Variants in ABTB3 observed in about 807,000 individuals in gnomAD.
The protein encoded by ABTB3 is ankyrin repeat- and BTB/POZ domain-containing protein 3.
At chr12:107,470,970 C>T in the ABTB3 span, among the ~76,000 whole-genome samples, 2 of 152,202 alleles carry the variant, frequency 1.3e-5, no homozygotes, top group Non-Finnish European at 2.9e-5. Context: ...TCCCCAGCCC[C>T]TTAGAGCAGT....
At chr12:107,319,835 G>A in the ABTB3 span, 1 of 1,243,566 alleles carries the variant, frequency 8.0e-7, no homozygotes, top group Non-Finnish European at 1.0e-6. Context: ...GGCGAGCGGC[G>A]GCGCCTGCAG....
the ABTB3 span, among the ~76,000 whole-genome samples, chr12:107,627,323 C>T: frequency 3.9e-5 from 6 of 152,146 alleles, no homozygotes; most frequent in Non-Finnish European, 8.8e-5. Flanking sequence ...AGTGACCTGC[C>T]CCAGGCACTT....
At chr12:107,395,216 G>T in the ABTB3 span, among the ~76,000 whole-genome samples, 1 of 152,180 alleles carries the variant, frequency 6.6e-6, no homozygotes, top group African/African-American at 2.4e-5. Context: ...TTCTGCCTTG[G>T]TTTCCTGGTT....
chr12:107,455,078 C>A, the ABTB3 span, among the ~76,000 whole-genome samples: 1 of 152,196 alleles, frequency 6.6e-6, no homozygotes. Flanking sequence ...CACATTATCT[C>A]AAATTCTAGA....
the ABTB3 span, among the ~76,000 whole-genome samples, chr12:107,560,394 G>C: frequency 6.6e-6 from 1 of 152,210 alleles, no homozygotes; most frequent in African/African-American, 2.4e-5. Flanking sequence ...CCCTGGGAGG[G>C]AGCCTCACCC....
At chr12:107,618,143 G>A in the ABTB3 span, 1 of 1,612,246 alleles carries the variant, frequency 6.2e-7, no homozygotes. Flanking sequence ...TCCTCTCTGG[G>A]TTTATGATTG....
chr12:107,549,712 C>T, the ABTB3 span, among the ~76,000 whole-genome samples: 1 of 152,216 alleles, frequency 6.6e-6, no homozygotes, highest in Non-Finnish European at 1.5e-5. Context: ...ATTGCAGTGT[C>T]AACCCTTATG....
the ABTB3 span, among the ~76,000 whole-genome samples, chr12:107,508,797 C>G: frequency 6.6e-6 from 1 of 152,186 alleles, no homozygotes; most frequent in Non-Finnish European, 1.5e-5. Flanking sequence ...GTCAGTTACA[C>G]TCCATGGCTG....
chr12:107,579,360 T>C, the ABTB3 span, among the ~76,000 whole-genome samples: 2 of 152,166 alleles, frequency 1.3e-5, no homozygotes, highest in Non-Finnish European at 2.9e-5. Context: ...TCTCTACACA[T>C]GCTATATAGT....
At chr12:107,651,612 T>G in the ABTB3 span, 2 of 1,187,770 alleles carry the variant, frequency 1.7e-6, no homozygotes, top group Non-Finnish European at 2.5e-6. Context: ...CTATAGTTCC[T>G]TATTGTTACC....
the ABTB3 span, among the ~76,000 whole-genome samples, chr12:107,482,091 AG>A: frequency 6.6e-6 from 1 of 152,004 alleles, no homozygotes; most frequent in African/African-American, 2.4e-5. Flanking sequence ...GGGAGTGGAG[AG>A]GGGTGGTCCT....
At chr12:107,454,613 T>C in the ABTB3 span, among the ~76,000 whole-genome samples, 1 of 152,132 alleles carries the variant, frequency 6.6e-6, no homozygotes, top group African/African-American at 2.4e-5. Flanking sequence ...TTGCCACCTT[T>C]TCAGGCAGGC....
At chr12:107,640,023 G>A in the ABTB3 span, among the ~76,000 whole-genome samples, 1 of 152,180 alleles carries the variant, frequency 6.6e-6, no homozygotes. Flanking sequence ...GTGGGGATGA[G>A]TGGCATTCTT....
chr12:107,633,151 C>T, the ABTB3 span, among the ~76,000 whole-genome samples: 4 of 152,286 alleles, frequency 2.6e-5, no homozygotes, highest in Non-Finnish European at 4.4e-5. Context: ...GAAGTCCTAA[C>T]CCCCAAGGTG....
the ABTB3 span, among the ~76,000 whole-genome samples, chr12:107,385,392 G>A: frequency 5.9e-5 from 9 of 152,160 alleles, no homozygotes; most frequent in African/African-American, 1.9e-4. Flanking sequence ...ACACACCCAA[G>A]GGTGACAAAC....
the ABTB3 span, among the ~76,000 whole-genome samples, chr12:107,424,534 G>A: frequency 3.3e-5 from 5 of 152,216 alleles, no homozygotes; most frequent in African/African-American, 1.2e-4. Context: ...ATGGGTTTGA[G>A]CCCCAGCTCT....
the ABTB3 span, among the ~76,000 whole-genome samples, chr12:107,474,204 T>C: frequency 6.6e-6 from 1 of 152,318 alleles, no homozygotes; most frequent in African/African-American, 2.4e-5. Context: ...GGCTGAGTCC[T>C]CTGTACTTGA....
chr12:107,622,220 CG>C, the ABTB3 span, among the ~76,000 whole-genome samples: 3 of 152,146 alleles, frequency 2.0e-5, no homozygotes, highest in South Asian at 6.2e-4. Context: ...GACCACTGGC[CG>C]GGGGTGGGAG....
chr12:107,360,444 C>T, the ABTB3 span, among the ~76,000 whole-genome samples: 1 of 152,132 alleles, frequency 6.6e-6, no homozygotes, highest in Non-Finnish European at 1.5e-5. Flanking sequence ...GCGAAGACCC[C>T]AAAATCCCAG....
Sources: allele counts gnomAD v4.1 joint callset (sites outside exome capture counted in the v4.1 genomes callset), GRCh38; gene constraint gnomAD v4.1.1; transcripts MANE v1.5; gene names NCBI Gene and HGNC (gene_info 2026-07-23, HGNC 2026-07-21).